FAM184A: variants seen among roughly 807,000 people sequenced by gnomAD.
The protein encoded by FAM184A is family with sequence similarity 184 member A, also known as protein FAM184A.
FAM184A carries 99 observed loss-of-function variants against 143.8 expected under a neutral mutation model. The observed-to-expected ratio is 0.69, with a 90% CI of 0.58 to 0.81. The LOEUF (loss-of-function observed/expected upper bound fraction) is 0.81. Ranked by LOEUF, FAM184A falls within the 40% of genes least tolerant of loss-of-function variation. The pLI is 0.00. For synonymous variants in FAM184A, 427 were observed against 446.4 expected (o/e 0.96, Z 0.55); for missense variants, 1,217 against 1,310.5 (o/e 0.93, Z 1.10).
At chr6:118,998,601 A>G (rs1784645607) in intron 9 of FAM184A, among the ~76,000 whole-genome samples, 1 of 152,198 alleles carries the variant, frequency 6.6e-6, no homozygotes, top group Non-Finnish European at 1.5e-5. Context: ...CTTTTTGTGG[A>G]GTTAAGATTT....
chr6:119,000,713 T>C (rs1784728854), intron 9 of FAM184A, among the ~76,000 whole-genome samples: 1 of 152,146 alleles, frequency 6.6e-6, no homozygotes, highest in Non-Finnish European at 1.5e-5. Context: ...TTAAAATATG[T>C]GAAAACGCAC....
chr6:119,071,469 C>T (rs1057301900), intron 1 of FAM184A, among the ~76,000 whole-genome samples: 1 of 152,136 alleles, frequency 6.6e-6, no homozygotes, highest in Non-Finnish European at 1.5e-5. Context: ...TAGCTGACAG[C>T]ACACACAATA....
rs1784921164 is a variant in FAM184A, at chr6:119,006,435, T to C, written c.1815+12A>G. 6.2e-7 allele frequency: 1 copy of C among 1,605,768 alleles called. No homozygotes were observed. The highest frequency in any genetic ancestry group is 1.3e-5 in the African/African-American group (1 of 74,590). On this transcript the variant is annotated intron_variant, in intron 7 of 17. Coordinates refer to ENST00000338891, the MANE Select transcript of FAM184A (RefSeq NM_024581.6). ...TGCCGCTGTTTAGATTGCAGTAGAA[T>C]TATGAAATTACCTCCACATTTAATA... is the stretch of plus-strand genomic sequence containing the variant.
chr6:119,024,245 T>C lies in FAM184A; in HGVS notation c.728A>G (p.Lys243Arg), dbSNP rs189012998. 1.7e-5 allele frequency: 28 copies of C among 1,614,208 alleles called. No individual in the cohort carries two copies. The Middle Eastern group carries it at 4.9e-4, about 29-fold the overall frequency. ...CTTGCCTTCATAATCCTCAATTAGT[T>C]TCTTCCGTTCAAGTCTTAGCTCCTC... ...MLEELRLERK[K>R]LIEDYEGKLN... Residue 243 changes from lysine (K) to arginine (R), a missense_variant, in exon 2 of 18, where the codon AAA (lysine) becomes AGA (arginine). Physicochemically the swap from Lys to Arg is conservative, Grantham distance 26. Coordinates refer to ENST00000338891, the MANE Select transcript of FAM184A (RefSeq NM_024581.6).
At chr6:119,025,319 A>T in intron 1 of FAM184A, 1 of 388,990 alleles carries the variant, frequency 2.6e-6, no homozygotes, top group South Asian at 2.0e-5. Flanking sequence ...GGCCTGTTTA[A>T]ATATTTCAAA....
intron 1 of FAM184A, among the ~76,000 whole-genome samples, chr6:119,034,055 G>T (rs1213022887): frequency 0.015 from 1,848 of 121,816 alleles, 36 homozygotes; most frequent in Middle Eastern, 0.025. Flanking sequence ...GAGAGAGAGA[G>T]AGAGAGAGAG....
chr6:119,041,096 C>T lies in FAM184A; in HGVS notation c.160-16283G>A, dbSNP rs116441215. Among the ~76,000 whole-genome samples the T allele has an allele frequency of 7.6e-3, 1,164 of 152,192 alleles. 8 individuals carry two copies. Among genetic ancestry groups the T allele is most frequent in the African/African-American group, 0.027 (1,105 of 41,490 alleles). The stretch of plus-strand genomic sequence containing the variant: ...AGTCATATTCTAGGGGAGAGAATTC[C>T]AGCCCCTGTAGCAGTTAATGGAGAA... On this transcript the variant is annotated intron_variant, in intron 1 of 17. Transcript: ENST00000338891.
intron 1 of FAM184A, among the ~76,000 whole-genome samples, chr6:119,105,691 T>C (rs1314349464): frequency 1.3e-5 from 2 of 152,218 alleles, no homozygotes; most frequent in Non-Finnish European, 1.5e-5. Flanking sequence ...TTAAAGAATA[T>C]ATGGGCTGCA....
At chr6:119,060,175 G>A (rs1357577868) in intron 1 of FAM184A, among the ~76,000 whole-genome samples, 1 of 152,174 alleles carries the variant, frequency 6.6e-6, no homozygotes, top group Non-Finnish European at 1.5e-5. Context: ...AGATGACCGT[G>A]TCATCTCAGT....
At position 119,024,382 on chromosome 6, in the gene FAM184A, C is replaced by G. The variant is rs1428808297; in HGVS notation, c.591G>C (p.Glu197Asp). The G allele has an allele frequency of 1.2e-6, 2 of 1,614,172 alleles. No homozygotes were observed. The highest frequency in any genetic ancestry group is 1.7e-6 in the Non-Finnish European group (2 of 1,180,032). ...LEDLQAAHRR[E>D]IQELLKSQQD... ...GCTGTGACTTCAATAGCTCTTGTAT[C>G]TCCCGTCTGTGAGCAGCTTGCAAGT... Residue 197 changes from glutamate (E) to aspartate (D), a missense_variant, in exon 2 of 18, where the codon GAG becomes GAC. Physicochemically the swap from Glu to Asp is conservative, Grantham distance 45. Coordinates refer to ENST00000338891, the MANE Select transcript of FAM184A (RefSeq NM_024581.6).
At chr6:119,012,142 G>C (rs940374939) in intron 5 of FAM184A, among the ~76,000 whole-genome samples, 1 of 152,154 alleles carries the variant, frequency 6.6e-6, no homozygotes, top group African/African-American at 2.4e-5. Flanking sequence ...GATGGAGCAG[G>C]AGGGGAACAT....
intron 6 of FAM184A, among the ~76,000 whole-genome samples, chr6:119,009,194 T>A (rs1390232034): frequency 1.3e-5 from 2 of 152,184 alleles, no homozygotes; most frequent in Non-Finnish European, 2.9e-5. Flanking sequence ...TGGGACTCAG[T>A]AAGCACTAAA....
chr6:118,968,566 A>G (rs1314012862), intron 14 of FAM184A, among the ~76,000 whole-genome samples: 1 of 152,248 alleles, frequency 6.6e-6, no homozygotes, highest in Admixed American at 6.5e-5. Context: ...AGAAATACTA[A>G]ACTAGTAAAA....
At chr6:119,044,523 T>C (rs1786456672) in intron 1 of FAM184A, among the ~76,000 whole-genome samples, 1 of 151,452 alleles carries the variant, frequency 6.6e-6, no homozygotes, top group Non-Finnish European at 1.5e-5. Context: ...TTCAAGGGCA[T>C]AGTAAGCTAT....
chr6:119,141,146 A>G (rs1772219430), intron 1 of FAM184A, among the ~76,000 whole-genome samples: 1 of 152,266 alleles, frequency 6.6e-6, no homozygotes, highest in African/African-American at 2.4e-5. Flanking sequence ...AGAGAGCCAC[A>G]GCTCATTAAA....
At position 119,124,245 on chromosome 6, in the gene FAM184A, T is replaced by C. The variant is rs953660140; in HGVS notation, c.-202+24833A>G. Among the ~76,000 whole-genome samples the C allele has an allele frequency of 2.6e-5, 4 of 152,330 alleles. No homozygotes were observed. The South Asian group carries it at 8.3e-4, about 32-fold the overall frequency. The stretch of plus-strand genomic sequence containing the variant: ...TCAAACAACTTAAATTCTGGCAGCA[T>C]TGCTCTTACTCTAGTTCTTAGCCTT... On this transcript the variant is annotated intron_variant, in intron 1 of 16. Coordinates refer to the FAM184A transcript ENST00000352896.
intron 1 of FAM184A, chr6:119,025,696 A>G (rs140242896): frequency 6.1e-6 from 3 of 494,710 alleles, no homozygotes; most frequent in Non-Finnish European, 8.0e-6. Flanking sequence ...TGAAATTTTC[A>G]TGACTGTTAT....
At chr6:119,140,722 C>T (rs1772205388) in intron 1 of FAM184A, among the ~76,000 whole-genome samples, 1 of 152,154 alleles carries the variant, frequency 6.6e-6, no homozygotes, top group South Asian at 2.1e-4. Context: ...AGTCTCCTTT[C>T]CCACACTCCA....
chr6:119,067,972 T>C (rs1787521996), intron 1 of FAM184A, among the ~76,000 whole-genome samples: 1 of 150,610 alleles, frequency 6.6e-6, no homozygotes, highest in Admixed American at 6.6e-5. Flanking sequence ...ACTCTATCTC[T>C]AAAAAATAAA....
Sources: gnomAD v4.1 joint callset for allele counts (sites outside exome capture counted in the v4.1 genomes callset) on GRCh38, gnomAD v4.1.1 for gene constraint, MANE v1.5 for transcripts, NCBI Gene and HGNC (gene_info 2026-07-23, HGNC 2026-07-21) for gene names.